The following MACROD2 variants were observed in gnomAD, a reference collection of about 807,000 sequenced individuals.
MACROD2 encodes the protein ADP-ribose glycohydrolase MACROD2.
In MACROD2, 36 loss-of-function variants were observed where a neutral mutation model predicts 70.4. That is an observed-to-expected ratio of 0.51 (90% CI 0.39 to 0.68). The LOEUF (loss-of-function observed/expected upper bound fraction) is 0.68, where lower values mean the gene tolerates loss of function less well. Among genes scored for constraint, MACROD2 ranks in the 30% least tolerant of loss-of-function variants. MACROD2 has a pLI of 0.00. For synonymous variants in MACROD2, 172 were observed against 178.8 expected, an observed-to-expected ratio of 0.96 and a Z score of 0.30; for missense variants, 496 against 538.4, an observed-to-expected ratio of 0.92 and a Z score of 0.78.
chr20:15,660,311 G>A (rs908315252), intron 8 of MACROD2, among the ~76,000 whole-genome samples: 1 of 152,074 alleles, frequency 6.6e-6, no homozygotes, highest in African/African-American at 2.4e-5. Context: ...CATCGAGACT[G>A]TTTTCATTTG....
At chr20:15,853,245 G>A (rs2064320077) in intron 8 of MACROD2, among the ~76,000 whole-genome samples, 1 of 152,110 alleles carries the variant, frequency 6.6e-6, no homozygotes, top group Non-Finnish European at 1.5e-5. Flanking sequence ...TGTTTATGGA[G>A]CATTTACTCT....
At chr20:15,513,099 A>C (rs1011101813) in intron 8 of MACROD2, among the ~76,000 whole-genome samples, 30 of 152,230 alleles carry the variant, frequency 2.0e-4, no homozygotes, top group African/African-American at 6.8e-4. Context: ...GTCCCTGATT[A>C]ATTTGCACTA....
intron 8 of MACROD2, among the ~76,000 whole-genome samples, chr20:15,585,619 TC>T (rs1411862520): frequency 1.3e-5 from 2 of 152,128 alleles, no homozygotes; most frequent in Non-Finnish European, 2.9e-5. Context: ...CCAAGCTCTC[TC>T]CCCCAGGGAT....
intron 8 of MACROD2, among the ~76,000 whole-genome samples, chr20:15,528,459 G>A (rs927750392): frequency 6.6e-6 from 1 of 152,148 alleles, no homozygotes; most frequent in Non-Finnish European, 1.5e-5. Context: ...GGGATAAGCA[G>A]TGCTATTGGC....
intron 7 of MACROD2, among the ~76,000 whole-genome samples, chr20:15,496,385 C>T (rs567755003): frequency 1.3e-5 from 2 of 152,250 alleles, no homozygotes; most frequent in Admixed American, 6.5e-5. Context: ...GTTGAAATCA[C>T]GTGGGGTTAC....
intron 2 of MACROD2, among the ~76,000 whole-genome samples, chr20:14,010,074 C>T (rs1260523128): frequency 6.6e-6 from 1 of 152,046 alleles, no homozygotes; most frequent in East Asian, 1.9e-4. Flanking sequence ...CACTACGGCA[C>T]ACGTTTATTT....
At chr20:14,864,129 G>A (rs558984879) in intron 5 of MACROD2, among the ~76,000 whole-genome samples, 2 of 152,044 alleles carry the variant, frequency 1.3e-5, no homozygotes, top group East Asian at 1.9e-4. Flanking sequence ...AATTTAAAAA[G>A]TTTCCATTTT....
chr20:15,186,030 A>G (rs1393045713), intron 5 of MACROD2, among the ~76,000 whole-genome samples: 1 of 152,180 alleles, frequency 6.6e-6, no homozygotes, highest in Non-Finnish European at 1.5e-5. Flanking sequence ...GTTTTCACAG[A>G]TGGATGGAGA....
rs182469883 is a variant in MACROD2, at chr20:14,141,558, C to T, written c.271+55830C>T. Reference sequence around the variant, plus strand: ...GTTAGGAGTTCGGGACCGGCCTGTCCAACATGGTGAAACCCCATCTCTACA... The same window carrying T: ...GTTAGGAGTTCGGGACCGGCCTGTCTAACATGGTGAAACCCCATCTCTACA... On this transcript the variant is annotated intron_variant, in intron 3 of 17. Coordinates refer to ENST00000684519, the MANE Select transcript of MACROD2 (RefSeq NM_001351661.2). 9.2e-5 allele frequency among the ~76,000 whole-genome samples: 14 copies of T among 151,772 alleles called. No individual in the cohort carries two copies. The East Asian group carries it at 1.9e-3, about 21-fold the overall frequency.
At chr20:15,692,876 G>A (rs73614434) in intron 8 of MACROD2, among the ~76,000 whole-genome samples, 6,533 of 152,198 alleles carry the variant, frequency 0.043, 275 homozygotes, top group East Asian at 0.21. Context: ...GTAGGGAGGA[G>A]CCTGGTGGGA....
chr20:15,060,133 T>C lies in MACROD2; in HGVS notation c.419-169807T>C, dbSNP rs559063910. Among the ~76,000 whole-genome samples the C allele has an allele frequency of 1.3e-4, 20 of 152,320 alleles. No individual in the cohort carries two copies. The South Asian group carries it at 3.5e-3, about 27-fold the overall frequency. On this transcript the variant is annotated intron_variant, in intron 5 of 17. Transcript: ENST00000684519. ...CCCTTGGGAAGGAGATTGCTAGCCT[T>C]GCTGTCCCTAATTCAGTTGTAAAGA...
At chr20:15,048,030 G>A (rs569962658) in intron 5 of MACROD2, among the ~76,000 whole-genome samples, 40 of 152,226 alleles carry the variant, frequency 2.6e-4, no homozygotes, top group Middle Eastern at 3.4e-3. Flanking sequence ...TTAAGAAGCC[G>A]AGGCAGGCAG....
intron 8 of MACROD2, among the ~76,000 whole-genome samples, chr20:15,739,943 A>G (rs1352866345): frequency 1.3e-5 from 2 of 152,234 alleles, no homozygotes. Context: ...TGTCTGACAC[A>G]TGGGAAACAT....
chr20:14,274,809 C>CA (rs1397084998), intron 3 of MACROD2, among the ~76,000 whole-genome samples: 1 of 151,326 alleles, frequency 6.6e-6, no homozygotes, highest in African/African-American at 2.4e-5. Context: ...TCTCAGGATA[C>CA]AAAATCAATG....
chr20:14,276,653 C>T (rs1176937177), intron 3 of MACROD2, among the ~76,000 whole-genome samples: 2 of 151,618 alleles, frequency 1.3e-5, no homozygotes, highest in East Asian at 3.9e-4. Context: ...TAAAATAAGA[C>T]ACTTCATTAT....
intron 8 of MACROD2, among the ~76,000 whole-genome samples, chr20:15,590,959 A>G (rs201017205): frequency 2.5e-4 from 37 of 149,504 alleles, no homozygotes; most frequent in Non-Finnish European, 4.2e-4. Flanking sequence ...GAAAGAAAGA[A>G]AAAGAAAGAA....
chr20:15,182,090 G>T (rs969614261), intron 5 of MACROD2, among the ~76,000 whole-genome samples: 2 of 152,156 alleles, frequency 1.3e-5, no homozygotes, highest in East Asian at 1.9e-4. Context: ...CCAGATTTGT[G>T]GTTAGCAAAA....
chr20:14,261,848 T>C (rs1443722394), intron 3 of MACROD2, among the ~76,000 whole-genome samples: 1 of 151,630 alleles, frequency 6.6e-6, no homozygotes, highest in East Asian at 1.9e-4. Flanking sequence ...AAAGTCTTCT[T>C]GGGAATTTTT....
At chr20:14,974,639 AAGTGACCTCT>A (rs568844467) in intron 5 of MACROD2, among the ~76,000 whole-genome samples, 157 of 152,230 alleles carry the variant, frequency 1.0e-3, no homozygotes, top group African/African-American at 3.6e-3. Flanking sequence ...ACATTGCAGG[AAGTGACCTCT>A]AGTGAAGTAA....
Sources: allele counts gnomAD v4.1 joint callset (sites outside exome capture counted in the v4.1 genomes callset), GRCh38; gene constraint gnomAD v4.1.1; transcripts MANE v1.5; gene names NCBI Gene and HGNC (gene_info 2026-07-23, HGNC 2026-07-21).